KCNB2: variants seen among roughly 807,000 people sequenced by gnomAD.
KCNB2 encodes potassium voltage-gated channel subfamily B member 2.
KCNB2 carries 15 observed loss-of-function variants against 61.5 expected under a neutral mutation model. The ratio of observed to expected loss-of-function variants is 0.24; its 90% CI spans 0.16 to 0.38. KCNB2 has a LOEUF of 0.38. KCNB2 is among the 10% of genes least tolerant of loss of function. The pLI, the probability that KCNB2 is intolerant of heterozygous loss-of-function variation, is 1.00. For synonymous variants in KCNB2, 457 were observed against 446.0 expected, an observed-to-expected ratio of 1.02 and a Z score of -0.31; for missense variants, 828 against 1,125.2, an observed-to-expected ratio of 0.74 and a Z score of 3.78.
At chr8:72,921,534 C>T (rs1055444394) in intron 2 of KCNB2, among the ~76,000 whole-genome samples, 1 of 152,180 alleles carries the variant, frequency 6.6e-6, no homozygotes, top group Non-Finnish European at 1.5e-5. Flanking sequence ...GAGTCCTTAG[C>T]ACCTTTAACT....
rs139185170 is a variant in KCNB2 at position 72,579,368 on chromosome 8, C to T, written c.579+11055C>T. Among the ~76,000 whole-genome samples the T allele has an allele frequency of 6.0e-3, 919 of 152,090 alleles. 4 individuals are homozygous for T. Among genetic ancestry groups the T allele is most frequent in the Non-Finnish European group, 9.3e-3 (635 of 68,010 alleles). On this transcript the variant is annotated intron_variant, in intron 2 of 2. Coordinates refer to ENST00000523207, the MANE Select transcript of KCNB2 (RefSeq NM_004770.3). Reference sequence around the variant, plus strand: ...CACAAAATTGAATATTGTAAGAGTCCGAATTGAAGAAGCTAGCTCACCCTC... The same window carrying T: ...CACAAAATTGAATATTGTAAGAGTCTGAATTGAAGAAGCTAGCTCACCCTC...
intron 2 of KCNB2, among the ~76,000 whole-genome samples, chr8:72,713,144 G>T (rs188042138): frequency 6.6e-6 from 1 of 152,216 alleles, no homozygotes; most frequent in Admixed American, 6.5e-5. Context: ...GGCTTGAGTC[G>T]GTAAACAAAG....
intron 2 of KCNB2, among the ~76,000 whole-genome samples, chr8:72,657,453 A>G (rs980255144): frequency 1.3e-5 from 2 of 152,196 alleles, no homozygotes; most frequent in South Asian, 2.1e-4. Flanking sequence ...TCCAATTTCA[A>G]GATTACTCTT....
intron 2 of KCNB2, among the ~76,000 whole-genome samples, chr8:72,665,413 AG>A (rs1034868187): frequency 6.6e-6 from 1 of 152,184 alleles, no homozygotes; most frequent in Admixed American, 6.5e-5. Flanking sequence ...AGAACAGAGC[AG>A]GCCTGTCACA....
chr8:72,621,672 T>C (rs1349946037), intron 2 of KCNB2, among the ~76,000 whole-genome samples: 1 of 152,222 alleles, frequency 6.6e-6, no homozygotes, highest in East Asian at 1.9e-4. Flanking sequence ...CCCTTGAGCC[T>C]GCACTCATTT....
chr8:72,867,890 A>T (rs562055374), intron 2 of KCNB2, among the ~76,000 whole-genome samples: 3 of 152,182 alleles, frequency 2.0e-5, no homozygotes, highest in Admixed American at 6.5e-5. Flanking sequence ...AGATTCCAAC[A>T]TTATTTGGCT....
rs1806644006 is a variant in KCNB2, at chr8:72,567,664, C to G, written c.-71C>G. The G allele has an allele frequency of 9.8e-7, 1 of 1,017,448 alleles. No individual in the cohort carries two copies. Among genetic ancestry groups the G allele is most frequent in the East Asian group, 2.4e-5 (1 of 41,076 alleles). 63.0% of individuals were successfully genotyped at this position (1,017,448 alleles called of 1,614,324 possible). ...CAGCTTTGTCAGTGGAAATGCCTGC[C>G]CCAGAGGGATATTGCTTCAGTTGAC... On this transcript the variant is annotated 5_prime_UTR_variant, in exon 2 of 3. Transcript: ENST00000523207.
At chr8:72,568,429 A>G (rs1806661293) in intron 2 of KCNB2, 116 bp downstream of exon 2, 4 of 841,780 alleles carry the variant, frequency 4.8e-6, no homozygotes, top group Non-Finnish European at 7.4e-6. Context: ...GTGGCTACAC[A>G]GACAGTGAAA....
At chr8:72,606,997 G>A (rs558344068) in intron 2 of KCNB2, among the ~76,000 whole-genome samples, 3 of 152,238 alleles carry the variant, frequency 2.0e-5, no homozygotes, top group East Asian at 1.9e-4. Context: ...GGCCAAGAGT[G>A]CAGATTTGGC....
chr8:72,770,094 A>G (rs1411938624), intron 2 of KCNB2, among the ~76,000 whole-genome samples: 1 of 152,224 alleles, frequency 6.6e-6, no homozygotes, highest in African/African-American at 2.4e-5. Flanking sequence ...GTAGAAGGGA[A>G]TAACAGCCCT....
At chr8:72,677,578 A>G (rs975118351) in intron 2 of KCNB2, among the ~76,000 whole-genome samples, 1 of 152,086 alleles carries the variant, frequency 6.6e-6, no homozygotes, top group Non-Finnish European at 1.5e-5. Context: ...TTTTTTCAAA[A>G]CCGCTCTTAA....
intron 2 of KCNB2, among the ~76,000 whole-genome samples, chr8:72,906,875 T>C (rs1264958100): frequency 6.6e-6 from 1 of 152,158 alleles, no homozygotes; most frequent in East Asian, 1.9e-4. Context: ...TATTCTAACC[T>C]TAGGTGTGGT....
intron 2 of KCNB2, among the ~76,000 whole-genome samples, chr8:72,657,239 A>C (rs1360830954): frequency 6.6e-6 from 1 of 152,200 alleles, no homozygotes; most frequent in Non-Finnish European, 1.5e-5. Flanking sequence ...ATAATATACA[A>C]CTAAAGAAGT....
At chr8:72,901,908 G>A (rs556247220) in intron 2 of KCNB2, among the ~76,000 whole-genome samples, 56 of 152,290 alleles carry the variant, frequency 3.7e-4, no homozygotes, top group Non-Finnish European at 6.8e-4. Context: ...TGTTGAAGTA[G>A]AAAACAATGT....
chr8:72,594,423 T>G (rs1385168679), intron 2 of KCNB2, among the ~76,000 whole-genome samples: 2 of 152,190 alleles, frequency 1.3e-5, no homozygotes, highest in Non-Finnish European at 2.9e-5. Context: ...GTTAAACTGC[T>G]TTAGCTTGTG....
At chr8:72,583,410 G>A (rs992401432) in intron 2 of KCNB2, among the ~76,000 whole-genome samples, 1 of 151,686 alleles carries the variant, frequency 6.6e-6, no homozygotes, top group Non-Finnish European at 1.5e-5. Context: ...CATGATATCT[G>A]TTTTTGAGTT....
intron 2 of KCNB2, among the ~76,000 whole-genome samples, chr8:72,821,885 C>T (rs569263737): frequency 7.2e-5 from 11 of 152,222 alleles, no homozygotes; most frequent in African/African-American, 2.6e-4. Flanking sequence ...GTCATCCTTT[C>T]TTCCTGCCTC....
chr8:72,932,220 C>A (rs1241826192), intron 2 of KCNB2, among the ~76,000 whole-genome samples: 1 of 152,176 alleles, frequency 6.6e-6, no homozygotes, highest in African/African-American at 2.4e-5. Context: ...TGGAAATTAT[C>A]CCCAGAGCAA....
chr8:72,718,358 T>C (rs1807483435), intron 2 of KCNB2, among the ~76,000 whole-genome samples: 2 of 152,142 alleles, frequency 1.3e-5, no homozygotes, highest in Admixed American at 1.3e-4. Flanking sequence ...TAAAGACACA[T>C]GCACACGTAT....
Sources: allele counts gnomAD v4.1 joint callset (sites outside exome capture counted in the v4.1 genomes callset), GRCh38; gene constraint gnomAD v4.1.1; transcripts MANE v1.5; gene names NCBI Gene and HGNC (gene_info 2026-07-23, HGNC 2026-07-21).